TXNDC5: variants seen among roughly 807,000 people sequenced by gnomAD.
TXNDC5 encodes the protein thioredoxin domain-containing protein 5.
In TXNDC5, 44 loss-of-function variants were observed where a neutral mutation model predicts 52.6. That is an observed-to-expected ratio of 0.84 (90% CI 0.66 to 1.08). The LOEUF is 1.08. Ranked by LOEUF, TXNDC5 falls within the 50% of genes least tolerant of loss-of-function variation. The probability of loss-of-function intolerance (pLI) is 0.00; values close to 1 mark genes in which losing one functional copy is unlikely to be tolerated. For missense variants in TXNDC5, 600 were observed against 565.5 expected (o/e 1.06, Z -0.62); for synonymous variants, 241 against 234.4 (o/e 1.03, Z -0.26).
rs930010975 is a variant in TXNDC5, at chr6:7,897,888, G to T, written c.519+1688C>A. On this transcript the variant is annotated intron_variant, in intron 3 of 9. Coordinates refer to ENST00000379757, the MANE Select transcript of TXNDC5 (RefSeq NM_030810.5). ...CCACAAAGAGAATATTTTCACAAAGGAAACAATGTCCAATTGAAAACTATG... is the reference window on the plus strand; with the variant it reads ...CCACAAAGAGAATATTTTCACAAAGTAAACAATGTCCAATTGAAAACTATG... Among the ~76,000 whole-genome samples the T allele has an allele frequency of 3.3e-5, 5 of 152,310 alleles. No individual in the cohort carries two copies. The East Asian group carries it at 9.6e-4, about 29-fold the overall frequency.
intron 8 of TXNDC5, among the ~76,000 whole-genome samples, chr6:7,885,198 T>C (rs1472006789): frequency 1.3e-5 from 2 of 152,248 alleles, no homozygotes; most frequent in African/African-American, 2.4e-5. Context: ...CTCAGGAACA[T>C]GTGGAGTGTA....
intron 8 of TXNDC5, among the ~76,000 whole-genome samples, chr6:7,885,519 T>TCTA (rs1295728237): frequency 1.3e-5 from 2 of 152,192 alleles, no homozygotes; most frequent in Admixed American, 1.3e-4. Flanking sequence ...TCTAACAGAC[T>TCTA]CTACTGGATT....
chr6:7,902,310 C>G (rs1273801699), intron 2 of TXNDC5, among the ~76,000 whole-genome samples: 1 of 152,198 alleles, frequency 6.6e-6, no homozygotes, highest in African/African-American at 2.4e-5. Flanking sequence ...TAGTTCCCCC[C>G]GTCAGTCCTG....
At chr6:7,887,858 G>T (rs1760051999) in intron 7 of TXNDC5, among the ~76,000 whole-genome samples, 1 of 152,094 alleles carries the variant, frequency 6.6e-6, no homozygotes, top group Admixed American at 6.6e-5. Flanking sequence ...TTCTCGGGTT[G>T]TGCCTCTCCT....
At chr6:7,910,376 G>A (rs1196540128) in intron 1 of TXNDC5, 138 bp downstream of exon 1, 2 of 997,468 alleles carry the variant, frequency 2.0e-6, no homozygotes, top group Non-Finnish European at 2.5e-6. Context: ...CCCGAGCCCC[G>A]CGCCCGTAGC....
At chr6:7,896,001 C>T (rs932818468) in intron 3 of TXNDC5, among the ~76,000 whole-genome samples, 1 of 152,078 alleles carries the variant, frequency 6.6e-6, no homozygotes, top group African/African-American at 2.4e-5. Context: ...TCAAAAAACA[C>T]ACAAACAGAC....
intron 1 of TXNDC5, among the ~76,000 whole-genome samples, chr6:7,908,732 G>C (rs2113376130): frequency 6.6e-6 from 1 of 152,274 alleles, no homozygotes; most frequent in East Asian, 1.9e-4. Flanking sequence ...AGCTACTTCA[G>C]AGGCTGAGGC....
intron 1 of TXNDC5, among the ~76,000 whole-genome samples, chr6:7,907,130 G>C (rs974702017): frequency 2.6e-5 from 4 of 150,980 alleles, no homozygotes; most frequent in Non-Finnish European, 5.9e-5. Flanking sequence ...CTGCAATCTT[G>C]ACAAGGTTTT....
chr6:7,909,946 G>A, intron 1 of TXNDC5: 1 of 986,060 alleles, frequency 1.0e-6, no homozygotes, highest in Non-Finnish European at 1.2e-6. Flanking sequence ...CAGGCCGCGC[G>A]TCCGGCCGGC....
chr6:7,901,940 A>T (rs188055233), intron 2 of TXNDC5, among the ~76,000 whole-genome samples: 57 of 152,338 alleles, frequency 3.7e-4, no homozygotes, highest in Admixed American at 2.1e-3. Context: ...AGGTCTTTAC[A>T]GAGATATTCA....
rs11541845 is a variant in TXNDC5 at position 7,910,749 on chromosome 6, G to A, written c.28C>T (p.Pro10Ser). Residue 10 changes from proline to serine, a missense_variant, in exon 1 of 10, where the codon CCG (proline) becomes TCG (serine). Transcript: ENST00000379757. ...AGGGCCGCCGGCCGGGCCAGCAGCGGGAGGAGGCGTCCTGGGCGCGCGGGC... is the reference window on the plus strand; with the variant it reads ...AGGGCCGCCGGCCGGGCCAGCAGCGAGAGGAGGCGTCCTGGGCGCGCGGGC... MPARPGRLL[P>S]LLARPAALTA... The A allele has an allele frequency of 8.9e-6, 9 of 1,008,862 alleles. No individual in the cohort carries two copies. The highest frequency in any genetic ancestry group is 1.1e-5 in the Non-Finnish European group (9 of 848,550). 62.5% of individuals were successfully genotyped at this position (1,008,862 alleles called of 1,614,324 possible). A position where few individuals can be genotyped will look rare whatever the true frequency, so the allele number is the denominator to read the frequency against.
intron 1 of TXNDC5, among the ~76,000 whole-genome samples, chr6:7,907,822 AC>A (rs1304776786): frequency 6.6e-6 from 1 of 151,556 alleles, no homozygotes; most frequent in East Asian, 1.9e-4. Context: ...GCCCCTGCTG[AC>A]CTCCCATTTG....
At chr6:7,892,053 G>A (rs1399687031) in intron 4 of TXNDC5, among the ~76,000 whole-genome samples, 1 of 152,220 alleles carries the variant, frequency 6.6e-6, no homozygotes, top group East Asian at 1.9e-4. Context: ...GAATAACCAG[G>A]TGATAAATGA....
chr6:7,909,560 A>G (rs1760843121), intron 1 of TXNDC5, among the ~76,000 whole-genome samples: 1 of 152,210 alleles, frequency 6.6e-6, no homozygotes, highest in Non-Finnish European at 1.5e-5. Flanking sequence ...CATCTGCTCA[A>G]CGGAGGGGCT....
chr6:7,893,776 C>G (rs1760278822), intron 4 of TXNDC5, among the ~76,000 whole-genome samples: 2 of 152,218 alleles, frequency 1.3e-5, no homozygotes, highest in Admixed American at 6.5e-5. Flanking sequence ...GGGGCTCTGA[C>G]TCCCAGCAGG....
intron 1 of TXNDC5, 28 bp downstream of exon 1, chr6:7,910,486 G>A (rs530160263): frequency 3.5e-6 from 5 of 1,409,918 alleles, no homozygotes; most frequent in African/African-American, 1.5e-5. Flanking sequence ...CCAAGTGCGG[G>A]GCAGGGCGCC....
At chr6:7,909,924 G>C in intron 1 of TXNDC5, 1 of 986,080 alleles carries the variant, frequency 1.0e-6, no homozygotes, top group Non-Finnish European at 1.2e-6. Flanking sequence ...GTGAGTGCAC[G>C]TGGCCCACGG....
rs1330217136 is a variant in TXNDC5, at chr6:7,910,495, C to T, written c.263+19G>A. The T allele has an allele frequency of 1.4e-6, 2 of 1,424,868 alleles. No individual in the cohort carries two copies. The highest frequency in any genetic ancestry group is 2.5e-5 in the Admixed American group (1 of 40,180). The allele number at this position is 1,424,868 out of a possible 1,614,324, so 88.3% of individuals were successfully genotyped here. A position where few individuals can be genotyped will look rare whatever the true frequency, so the allele number is the denominator to read the frequency against. On this transcript the variant is annotated intron_variant, in intron 1 of 9. Transcript: ENST00000379757. ...GAAGCGCCAAGTGCGGGGCAGGGCG[C>T]CGGCCTGCGCGGCGTTACCAGGGCG...
chr6:7,891,756 C>A lies in TXNDC5; in HGVS notation c.617-20G>T, dbSNP rs1760198895. On this transcript the variant is annotated intron_variant, in intron 4 of 9. Transcript: ENST00000379757. The stretch of plus-strand genomic sequence containing the variant: ...GGTCGCCTGGAGTGGAGAGCCAAGG[C>A]AGAGACGGGGGAAAGAGGAACTGTA... 1 of 1,566,186 alleles carries A rather than the reference C, an allele frequency of 6.4e-7. No homozygotes were observed. Among genetic ancestry groups the A allele is most frequent in the Non-Finnish European group, 8.8e-7 (1 of 1,137,340 alleles).
Sources: gnomAD v4.1 joint callset for allele counts (sites outside exome capture counted in the v4.1 genomes callset) on GRCh38, gnomAD v4.1.1 for gene constraint, MANE v1.5 for transcripts, NCBI Gene and HGNC (gene_info 2026-07-23, HGNC 2026-07-21) for gene names.